Variants in ATAD3C observed in about 807,000 individuals in gnomAD.
ATAD3C encodes ATPase family AAA domain containing 3C, also known as ATPase family AAA domain-containing protein 3C.
ATAD3C carries 38 observed loss-of-function variants against 46.3 expected under a neutral mutation model. The observed-to-expected ratio is 0.82, with a 90% CI of 0.63 to 1.08. The LOEUF is 1.08. ATAD3C is among the 50% of genes least tolerant of loss of function. ATAD3C has a pLI of 0.00. For missense variants in ATAD3C, 563 were observed against 572.7 expected (o/e 0.98, Z 0.17); for synonymous variants, 220 against 236.4 (o/e 0.93, Z 0.63).
rs1196748993 is a variant in ATAD3C at position 1,468,797 on chromosome 1, G to T, written c.*267G>T. On this transcript the variant is annotated 3_prime_UTR_variant, in exon 12 of 12. Coordinates refer to ENST00000378785, the MANE Select transcript of ATAD3C (RefSeq NM_001039211.3). ...CACAGGAGGTGGCTGCCACGGCGGG[G>T]CCGGGTGCCCGTGCCCCATCCTGAG... is the stretch of plus-strand genomic sequence containing the variant. The T allele has an allele frequency of 5.2e-6, 3 of 575,690 alleles. No homozygotes were observed. The highest frequency in any genetic ancestry group is 8.7e-6 in the Non-Finnish European group (3 of 346,314). 35.7% of individuals were successfully genotyped at this position (575,690 alleles called of 1,614,324 possible).
At chr1:1,457,404 C>T (rs1350191873) in intron 8 of ATAD3C, among the ~76,000 whole-genome samples, 1 of 151,608 alleles carries the variant, frequency 6.6e-6, no homozygotes, top group African/African-American at 2.4e-5. Flanking sequence ...ACCATCCTGG[C>T]TAACACGGTG....
At chr1:1,464,749 C>G (rs574014434) in intron 11 of ATAD3C, among the ~76,000 whole-genome samples, 84 of 152,008 alleles carry the variant, frequency 5.5e-4, no homozygotes, top group Non-Finnish European at 9.6e-4. Flanking sequence ...CCAGTCTGGG[C>G]TATTCAGGAT....
chr1:1,466,614 C>T (rs894818131), intron 11 of ATAD3C, among the ~76,000 whole-genome samples: 1 of 150,536 alleles, frequency 6.6e-6, no homozygotes, highest in South Asian at 2.1e-4. Context: ...TGGTTTCCTT[C>T]CTCCACTCTG....
chr1:1,452,341 G>C (rs780385481), intron 2 of ATAD3C, 24 bp from the exon 3 acceptor site: 1 of 1,613,552 alleles, frequency 6.2e-7, no homozygotes, highest in African/African-American at 1.3e-5. Flanking sequence ...TTCCCTCCTG[G>C]TCACACCACT....
chr1:1,467,470 T>C (rs1025471512), intron 11 of ATAD3C, among the ~76,000 whole-genome samples: 17 of 151,836 alleles, frequency 1.1e-4, no homozygotes, highest in East Asian at 1.9e-4. Context: ...TGGCTCTTGG[T>C]GAGGGATGGG....
In ATAD3C at chr1:1,455,806, C is replaced by T. The variant is rs774799038; in HGVS notation, c.454C>T (p.Arg152Trp). The T allele has an allele frequency of 1.5e-5, 25 of 1,613,280 alleles. No individual in the cohort carries two copies. The highest frequency in any genetic ancestry group is 5.0e-5 in the Admixed American group (3 of 59,956). ...GVVLSPSLEARVRDIAIMTRN... is the reference protein window; with the variant it reads ...GVVLSPSLEAWVRDIAIMTRN... ...TCCTCGGCAGCCCAGCCTGGAAGCA[C>T]GGGTGCGCGACATCGCCATAATGAC... The change falls in exon 6 of 12, where the codon CGG becomes TGG. Residue 152 changes from arginine to tryptophan, a missense_variant. By Grantham distance (101) the Arg-to-Trp change is moderately radical. Around this residue, in one of 3 missense-constraint regions of ATAD3C, gnomAD observed 263 missense variants for 243.1 expected, o/e 1.08. Coordinates refer to ENST00000378785, the MANE Select transcript of ATAD3C (RefSeq NM_001039211.3).
At chr1:1,454,551 C>T in intron 4 of ATAD3C, 51 bp downstream of exon 4, 1 of 1,577,320 alleles carries the variant, frequency 6.3e-7, no homozygotes, top group Non-Finnish European at 8.6e-7. Context: ...GGCTGAGTCC[C>T]TTCTGCCCCA....
At chr1:1,453,076 A>G (rs1043538491) in intron 3 of ATAD3C, among the ~76,000 whole-genome samples, 9 of 152,086 alleles carry the variant, frequency 5.9e-5, no homozygotes, top group African/African-American at 2.2e-4. Context: ...GCCAGCACCC[A>G]GAGCTGTGAC....
chr1:1,456,878 GA>G (rs1191867318), intron 7 of ATAD3C, among the ~76,000 whole-genome samples: 1 of 152,002 alleles, frequency 6.6e-6, no homozygotes, highest in Admixed American at 6.6e-5. Context: ...CACTTTAGAA[GA>G]CCTGTCCCTG....
chr1:1,460,417 G>A (rs2649601), intron 9 of ATAD3C, among the ~76,000 whole-genome samples: 19 of 151,970 alleles, frequency 1.3e-4, no homozygotes, highest in African/African-American at 4.1e-4. Flanking sequence ...TCTGGGTCCC[G>A]CATCCCTGCT....
chr1:1,460,134 G>A (rs922412420), intron 9 of ATAD3C, among the ~76,000 whole-genome samples: 1 of 150,252 alleles, frequency 6.7e-6, no homozygotes, highest in Non-Finnish European at 1.5e-5. Context: ...GTGCAATGGC[G>A]TGATCTTGGC....
chr1:1,457,126 C>T lies in ATAD3C; in HGVS notation c.690-3C>T. ...CCCAGCTTGGCCTCCCTCTCGTCCA[C>T]AGCCTCCTGCTCTTTGTGGATGAAG... On this transcript the variant is annotated splice_polypyrimidine_tract_variant and splice_region_variant and intron_variant, in intron 7 of 11. Transcript: ENST00000378785. The T allele has an allele frequency of 1.9e-6, 3 of 1,613,520 alleles. 1 individual carries two copies. The highest frequency in any genetic ancestry group is 2.5e-6 in the Non-Finnish European group (3 of 1,179,622).
In ATAD3C at chr1:1,468,873, C is replaced by T. The variant is rs1639192648; in HGVS notation, c.*343C>T. The T allele has an allele frequency of 6.5e-6, 2 of 308,086 alleles. No individual in the cohort carries two copies. The highest frequency in any genetic ancestry group is 1.2e-5 in the Non-Finnish European group (2 of 163,128). 19.1% of individuals were successfully genotyped at this position (308,086 alleles called of 1,614,324 possible). On this transcript the variant is annotated 3_prime_UTR_variant, in exon 12 of 12. Coordinates refer to ENST00000378785, the MANE Select transcript of ATAD3C (RefSeq NM_001039211.3). ...GCCTCCCTCCCCTCCGCCAGAGCTG[C>T]CTGTGGCCAGACACACGGTGGAGGG...
chr1:1,456,087 G>A (rs1638956490), intron 6 of ATAD3C, 138 bp from the exon 7 acceptor site: 4 of 1,421,490 alleles, frequency 2.8e-6, no homozygotes, highest in Non-Finnish European at 3.7e-6. Context: ...CTTCCAGGCG[G>A]GGGACGTCTC....
Position 1,459,018 on chromosome 1 carries a change from C to G in ATAD3C, c.742-143C>G. On this transcript the variant is annotated intron_variant, in intron 8 of 11. Coordinates refer to ENST00000378785, the MANE Select transcript of ATAD3C (RefSeq NM_001039211.3). This position sits in a 1 kb window ranked among gnomAD's most constrained non-coding sequence, Gnocchi z 4.9. Reference sequence around the variant, plus strand: ...ACATTCGTGAGTCACCGCCCCTGGCCCTGGTCAGGCTTTTGAGTCTAGATC... The same window carrying G: ...ACATTCGTGAGTCACCGCCCCTGGCGCTGGTCAGGCTTTTGAGTCTAGATC... 4 of 1,503,290 alleles carry G rather than the reference C, an allele frequency of 2.7e-6. No homozygotes were observed. The highest frequency in any genetic ancestry group is 3.6e-6 in the Non-Finnish European group (4 of 1,123,838). The allele number at this position is 1,503,290 out of a possible 1,614,324, so 93.1% of individuals were successfully genotyped here.
In ATAD3C at chr1:1,449,829, T is replaced by G. The variant is rs1638823739; in HGVS notation, c.-855T>G. ...GACCTGATGCTGAGTCCTCAGCAGC[T>G]CAGAGAATACGTACTTCTGTCCCAG... On this transcript the variant is annotated 5_prime_UTR_variant, in exon 1 of 12. Coordinates refer to ENST00000378785, the MANE Select transcript of ATAD3C (RefSeq NM_001039211.3). The G allele has an allele frequency of 6.6e-6, 1 of 151,998 alleles. No homozygotes were observed. Among genetic ancestry groups the G allele is most frequent in the African/African-American group, 2.4e-5 (1 of 41,414 alleles). 9.4% of individuals were successfully genotyped at this position (151,998 alleles called of 1,614,324 possible). A position where few individuals can be genotyped will look rare whatever the true frequency, so the allele number is the denominator to read the frequency against.
chr1:1,452,465 G>A, intron 3 of ATAD3C, 31 bp downstream of exon 3: 9 of 1,613,348 alleles, frequency 5.6e-6, no homozygotes, highest in Non-Finnish European at 5.1e-6. Flanking sequence ...GGGCTGGCAG[G>A]TGGCTGAGGG....
chr1:1,463,328 G>A, intron 11 of ATAD3C, among the ~76,000 whole-genome samples: 1 of 152,098 alleles, frequency 6.6e-6, no homozygotes, highest in East Asian at 1.9e-4. Context: ...TGGGGCAGAA[G>A]GCACCCTGGC....
Position 1,454,531 on chromosome 1 carries a change from G to A in ATAD3C, c.378+31G>A. The stretch of plus-strand genomic sequence containing the variant: ...GGCGCAGGCCTGGCCCTCCCTGAGT[G>A]CAAGTGCCTGGCTGAGTCCCTTCTG... On this transcript the variant is annotated intron_variant, in intron 4 of 11. Transcript: ENST00000378785. The A allele has an allele frequency of 2.5e-6, 4 of 1,594,406 alleles. No individual in the cohort carries two copies. In the South Asian group the frequency reaches 3.4e-5, roughly 14 times the overall value.
Sources: gnomAD v4.1 joint callset for allele counts (sites outside exome capture counted in the v4.1 genomes callset) on GRCh38, gnomAD v4.1.1 for gene constraint, gnomAD v4.1.1 regional missense constraint, Gnocchi (gnomAD v3.1) non-coding constraint, MANE v1.5 for transcripts, NCBI Gene and HGNC (gene_info 2026-07-23, HGNC 2026-07-21) for gene names.